The following UBR7 variants were observed in gnomAD, a reference collection of about 807,000 sequenced individuals.
UBR7 encodes the protein ubiquitin protein ligase E3 component n-recognin 7, also known as putative E3 ubiquitin-protein ligase UBR7.
UBR7 carries 22 observed loss-of-function variants against 57.0 expected under a neutral mutation model. That is an observed-to-expected ratio of 0.39 (90% CI 0.28 to 0.55). The LOEUF is 0.55. Among genes scored for constraint, UBR7 ranks in the 20% least tolerant of loss-of-function variants. UBR7 has a pLI of 0.69. For synonymous variants in UBR7, 167 were observed against 179.8 expected, an observed-to-expected ratio of 0.93 and a Z score of 0.57; for missense variants, 395 against 513.2, an observed-to-expected ratio of 0.77 and a Z score of 2.23.
At chr14:93,225,026 G>A (rs1313056896) in intron 10 of UBR7, among the ~76,000 whole-genome samples, 1 of 152,114 alleles carries the variant, frequency 6.6e-6, no homozygotes, top group Admixed American at 6.5e-5. Flanking sequence ...GTCTTCACAG[G>A]TATCTTCAAC....
rs1172376819 is a variant in UBR7, at chr14:93,228,494, T to A, written c.*1459T>A. The A allele has an allele frequency of 1.5e-5, 7 of 454,092 alleles. No individual in the cohort carries two copies. Among genetic ancestry groups the A allele is most frequent in the Non-Finnish European group, 3.1e-5 (7 of 226,792 alleles). The allele number at this position is 454,092 out of a possible 1,614,324, so 28.1% of individuals were successfully genotyped here. On this transcript the variant is annotated 3_prime_UTR_variant, in exon 11 of 11. Coordinates refer to ENST00000013070, the MANE Select transcript of UBR7 (RefSeq NM_175748.4). Reference sequence around the variant, plus strand: ...TGCCCAATCCCTGGATGAGATGAACTAGGCCTTATAAAAAGTCAAAGCCTC... The same window carrying A: ...TGCCCAATCCCTGGATGAGATGAACAAGGCCTTATAAAAAGTCAAAGCCTC...
intron 1 of UBR7, among the ~76,000 whole-genome samples, chr14:93,209,513 G>T (rs1224516715): frequency 1.3e-5 from 2 of 152,166 alleles, no homozygotes; most frequent in Non-Finnish European, 2.9e-5. Context: ...GGCCAAGGCA[G>T]AGAATTGCTT....
Position 93,218,751 on chromosome 14 carries a change from C to T in UBR7, c.810+16C>T, listed in dbSNP as rs17128941. ...TGATCTCCAGGTAATGTGTGAAGTA[C>T]GAGCCATCAAGAAATAAGACTGGGC... On this transcript the variant is annotated intron_variant, in intron 7 of 10. Coordinates refer to ENST00000013070, the MANE Select transcript of UBR7 (RefSeq NM_175748.4). 0.097 allele frequency: 155,661 copies of T among 1,608,994 alleles called. 7,927 individuals are homozygous for T. The highest frequency in any genetic ancestry group is 0.15 in the Middle Eastern group (916 of 6,042).
chr14:93,211,019 T>G (rs545811041), intron 3 of UBR7, among the ~76,000 whole-genome samples: 1 of 152,246 alleles, frequency 6.6e-6, no homozygotes, highest in East Asian at 1.9e-4. Flanking sequence ...AAACAATAAA[T>G]AGGGTCAAGA....
In UBR7 at chr14:93,228,884, C is replaced by G. The variant is rs1306497639; in HGVS notation, c.*1849C>G. The stretch of plus-strand genomic sequence containing the variant: ...AGGTGATGTGTTACATTACGTGCAG[C>G]ACAATAGTACCGATCAGTTAACTCA... On this transcript the variant is annotated 3_prime_UTR_variant, in exon 11 of 11. Transcript: ENST00000013070. 2.2e-6 allele frequency: 1 copy of G among 453,996 alleles called. No homozygotes were observed. The highest frequency in any genetic ancestry group is 4.4e-6 in the Non-Finnish European group (1 of 226,804). The allele number at this position is 453,996 out of a possible 1,614,324, so 28.1% of individuals were successfully genotyped here.
chr14:93,216,868 G>C (rs371765574), intron 6 of UBR7, among the ~76,000 whole-genome samples: 1 of 151,804 alleles, frequency 6.6e-6, no homozygotes, highest in Non-Finnish European at 1.5e-5. Context: ...CACCCGCCTC[G>C]GTCTCCCAAA....
intron 10 of UBR7, 129 bp from the exon 11 acceptor site, chr14:93,226,807 AAAAAAAT>A: frequency 2.1e-6 from 1 of 487,378 alleles, no homozygotes; most frequent in Non-Finnish European, 3.6e-6. Context: ...AAAAAAAAAA[AAAAAAAT>A]AGAAAATGGA....
chr14:93,220,378 A>G lies in UBR7; in HGVS notation c.1090A>G (p.Met364Val). Residue 364 changes from methionine to valine, a missense_variant, in exon 9 of 11, where the codon ATG (methionine) becomes GTG (valine). Met to Val is a conservative substitution (Grantham distance 21, BLOSUM62 1). Coordinates refer to ENST00000013070, the MANE Select transcript of UBR7 (RefSeq NM_175748.4). Reference protein sequence around the residue: ...SDPLMDTLSSMNRVQQVELIC... With the variant: ...SDPLMDTLSSVNRVQQVELIC... ...TCCCCTAATGGATACCCTTAGCAGC[A>G]TGAATAGAGTCCAGCAAGTGGAACT... 6.2e-7 allele frequency: 1 copy of G among 1,614,128 alleles called. No homozygotes were observed. Among genetic ancestry groups the G allele is most frequent in the Non-Finnish European group, 8.5e-7 (1 of 1,180,030 alleles).
At position 93,219,231 on chromosome 14, in the gene UBR7, G is replaced by A. The variant is rs76828246; in HGVS notation, c.830G>A (p.Ser277Asn). ...SDLQTVFKNE[S>N]LNAESKSGCK... ...TTTCAGACAGTGTTTAAGAATGAAA[G>A]CCTCAACGCAGAATCAAAATCTGGC... The change falls in exon 8 of 11, where the codon AGC becomes AAC. Residue 277 changes from serine to asparagine, a missense_variant. Transcript: ENST00000013070. 104 of 1,614,154 alleles carry A rather than the reference G, an allele frequency of 6.4e-5. No individual in the cohort carries two copies. In the East Asian group the frequency reaches 2.0e-3, roughly 31 times the overall value.
rs567740909 is a variant in UBR7, at chr14:93,229,002, T to A, written c.*1967T>A. ...TACCTGTTGTTCACAACTAGTTTTC[T>A]TATTGACTGTATTGGACTGTCTCTT... On this transcript the variant is annotated 3_prime_UTR_variant, in exon 11 of 11. Coordinates refer to ENST00000013070, the MANE Select transcript of UBR7 (RefSeq NM_175748.4). The A allele has an allele frequency of 2.2e-5, 10 of 453,834 alleles. No individual in the cohort carries two copies. Among genetic ancestry groups the A allele is most frequent in the South Asian group, 1.6e-4 (10 of 64,414 alleles). 28.1% of individuals were successfully genotyped at this position (453,834 alleles called of 1,614,324 possible).
intron 10 of UBR7, chr14:93,223,477 C>G: frequency 2.0e-6 from 1 of 509,904 alleles, no homozygotes; most frequent in Non-Finnish European, 3.5e-6. Context: ...TTGAGCCCTG[C>G]TTTCTTAGAA....
chr14:93,225,463 CAAA>C (rs59667536), intron 10 of UBR7, among the ~76,000 whole-genome samples: 5 of 110,208 alleles, frequency 4.5e-5, no homozygotes, highest in African/African-American at 9.5e-5. Context: ...CCCGCCTCTA[CAAA>C]AAAAAAAAAA....
intron 1 of UBR7, among the ~76,000 whole-genome samples, chr14:93,207,783 A>G (rs551804264): frequency 2.0e-5 from 3 of 152,306 alleles, no homozygotes; most frequent in Non-Finnish European, 4.4e-5. Context: ...TCTCAGATCC[A>G]GACATCTTTG....
intron 2 of UBR7, among the ~76,000 whole-genome samples, chr14:93,210,313 G>A (rs924742945): frequency 6.6e-6 from 1 of 152,120 alleles, no homozygotes; most frequent in Non-Finnish European, 1.5e-5. Flanking sequence ...TCGATCTCCT[G>A]ACCTCGTGAT....
At position 93,215,194 on chromosome 14, in the gene UBR7, C is replaced by G; in HGVS notation, c.514C>G (p.Pro172Ala). The change falls in exon 6 of 11, where the codon CCT (proline) becomes GCT (alanine). Residue 172 changes from proline to alanine, a missense_variant. By Grantham distance (27) the Pro-to-Ala change is conservative. Coordinates refer to ENST00000013070, the MANE Select transcript of UBR7 (RefSeq NM_175748.4). ...TTCACAGCATCTTGGTGCCATTCCCCCTGAGAGTGGGGATTTTCAGGAGAT... is the reference window on the plus strand; with the variant it reads ...TTCACAGCATCTTGGTGCCATTCCCGCTGAGAGTGGGGATTTTCAGGAGAT... The part of the protein sequence containing the change: ...FHGRHLGAIP[P>A]ESGDFQEMVC... The G allele has an allele frequency of 6.3e-7, 1 of 1,581,950 alleles. No individual in the cohort carries two copies. The highest frequency in any genetic ancestry group is 8.6e-7 in the Non-Finnish European group (1 of 1,162,918).
rs367638579 is a variant in UBR7, at chr14:93,219,373, G to A, written c.960+12G>A. On this transcript the variant is annotated intron_variant, in intron 8 of 10. Transcript: ENST00000013070. ...GCCAAGACTGTATGGTAAAGTATCTGATTGTGCTCAGTGTTAGCATGTTTT... is the reference window on the plus strand; with the variant it reads ...GCCAAGACTGTATGGTAAAGTATCTAATTGTGCTCAGTGTTAGCATGTTTT... 5 of 1,614,172 alleles carry A rather than the reference G, an allele frequency of 3.1e-6. No individual in the cohort carries two copies. The highest frequency in any genetic ancestry group is 1.3e-5 in the African/African-American group (1 of 75,048).
At chr14:93,216,407 C>T (rs984396115) in intron 6 of UBR7, among the ~76,000 whole-genome samples, 3 of 152,052 alleles carry the variant, frequency 2.0e-5, no homozygotes, top group African/African-American at 7.2e-5. Context: ...ATGAATGGTC[C>T]TGAGGCATTA....
Position 93,228,730 on chromosome 14 carries a change from C to T in UBR7, c.*1695C>T, listed in dbSNP as rs543142595. 2.2e-5 allele frequency: 10 copies of T among 454,072 alleles called. No individual in the cohort carries two copies. Among genetic ancestry groups the T allele is most frequent in the Admixed American group, 7.0e-5 (3 of 42,580 alleles). 28.1% of individuals were successfully genotyped at this position (454,072 alleles called of 1,614,324 possible). A position where few individuals can be genotyped will look rare whatever the true frequency, so the allele number is the denominator to read the frequency against. On this transcript the variant is annotated 3_prime_UTR_variant, in exon 11 of 11. Coordinates refer to ENST00000013070, the MANE Select transcript of UBR7 (RefSeq NM_175748.4). ...AACTCTTCCAAGTCTGACAATGTTT[C>T]GAACCCTTTTTGCAAGGTTGCACTA... is the stretch of plus-strand genomic sequence containing the variant.
At position 93,226,974 on chromosome 14, in the gene UBR7, T is replaced by C; in HGVS notation, c.1217T>C (p.Phe406Ser). 3.7e-6 allele frequency: 6 copies of C among 1,613,186 alleles called. No individual in the cohort carries two copies. Among genetic ancestry groups the C allele is most frequent in the Non-Finnish European group, 5.1e-6 (6 of 1,179,448 alleles). ...AAGAGAGAGGACATTCAGCAGTTCT[T>C]TGAAGAGTTTCAGTCAAAAAAGAGA... is the stretch of plus-strand genomic sequence containing the variant. ...VVKREDIQQF[F>S]EEFQSKKRRR... Residue 406 changes from phenylalanine (F) to serine (S), a missense_variant, in exon 11 of 11, where the codon TTT becomes TCT. Transcript: ENST00000013070.
Sources: allele counts gnomAD v4.1 joint callset (sites outside exome capture counted in the v4.1 genomes callset), GRCh38; gene constraint gnomAD v4.1.1; transcripts MANE v1.5; gene names NCBI Gene and HGNC (gene_info 2026-07-23, HGNC 2026-07-21).